Variants in TRPM2 observed in about 807,000 individuals in gnomAD.
The protein encoded by TRPM2 is transient receptor potential cation channel subfamily M member 2.
TRPM2 carries 161 observed loss-of-function variants against 174.0 expected under a neutral mutation model. The ratio of observed to expected loss-of-function variants is 0.93; its 90% CI spans 0.81 to 1.05. TRPM2 has a LOEUF of 1.05. TRPM2 is among the 50% of genes least tolerant of loss of function. TRPM2 has a pLI of 0.00. For missense variants in TRPM2, 2,057 were observed against 2,038.0 expected (o/e 1.01, Z -0.18); for synonymous variants, 954 against 861.3 (o/e 1.11, Z -1.88).
intron 27 of TRPM2, among the ~76,000 whole-genome samples, chr21:44,428,547 C>T (rs2050898358): frequency 7.2e-6 from 1 of 139,730 alleles, no homozygotes; most frequent in African/African-American, 2.7e-5. Flanking sequence ...AGGTGTGACT[C>T]CTCCCCTTAG....
rs2051297752 is a variant in TRPM2, at chr21:44,437,067, G to A, written c.4067G>A (p.Arg1356Lys). ...CATGGCCGCTCTCTCCGCAGGTGGA[G>A]GCGGAACGAGGATGGAGCCATCTGC... ...HTLYPMVTRW[R>K]RNEDGAICRK... Residue 1356 changes from arginine to lysine, a missense_variant, in exon 29 of 32, where the codon AGG becomes AAG. By Grantham distance (26) the Arg-to-Lys change is conservative (BLOSUM62 2). Transcript: ENST00000397928. 1.9e-6 allele frequency: 3 copies of A among 1,550,476 alleles called. No individual in the cohort carries two copies. The highest frequency in any genetic ancestry group is 2.6e-6 in the Non-Finnish European group (3 of 1,146,788).
chr21:44,379,427 G>C (rs1399881623), intron 8 of TRPM2, among the ~76,000 whole-genome samples: 1 of 152,230 alleles, frequency 6.6e-6, no homozygotes, highest in Non-Finnish European at 1.5e-5. Flanking sequence ...CTCACCCGCA[G>C]CACACCAGGG....
In TRPM2 at chr21:44,442,342, C is replaced by T. The variant is rs2146439193; in HGVS notation, c.*525C>T. On this transcript the variant is annotated 3_prime_UTR_variant, in exon 32 of 32. Transcript: ENST00000397928. ...CTGGGCTAGGGGCACTGTCTGAACT[C>T]CTGACTGTCAGGATAAACTCCGTGG... The T allele has an allele frequency of 6.6e-6, 1 of 152,500 alleles. No homozygotes were observed. The highest frequency in any genetic ancestry group is 2.4e-5 in the African/African-American group (1 of 41,600). 9.4% of individuals were successfully genotyped at this position (152,500 alleles called of 1,614,324 possible).
chr21:44,382,904 A>G (rs745708781), intron 9 of TRPM2, 84 bp downstream of exon 9: 8 of 1,340,928 alleles, frequency 6.0e-6, no homozygotes, highest in South Asian at 3.8e-5. Flanking sequence ...TTGAAGTGCC[A>G]TGATTCTGGG....
intron 19 of TRPM2, among the ~76,000 whole-genome samples, chr21:44,407,912 TTAAA>T (rs1398823759): frequency 1.3e-5 from 2 of 151,638 alleles, no homozygotes; most frequent in African/African-American, 2.4e-5. Flanking sequence ...TTAAAAAATT[TTAAA>T]TTAATTAATA....
rs576257582 is a variant in TRPM2, at chr21:44,379,150, A to C, written c.1168A>C (p.Met390Leu). ...QQKLSVFFQEMFETFTESRIV... is the reference protein window; with the variant it reads ...QQKLSVFFQELFETFTESRIV... ...GAAACTGAGCGTGTTCTTCCAGGAG[A>C]TGTTTGAGACCTTCACGGAAAGCAG... The change falls in exon 8 of 32, where the codon ATG (methionine) becomes CTG (leucine). Residue 390 changes from methionine (M) to leucine (L), a missense_variant. By Grantham distance (15) the Met-to-Leu change is conservative. Coordinates refer to ENST00000397928, the MANE Select transcript of TRPM2 (RefSeq NM_003307.4). 6.2e-7 allele frequency: 1 copy of C among 1,613,514 alleles called. No homozygotes were observed. The highest frequency in any genetic ancestry group is 1.1e-5 in the South Asian group (1 of 91,080).
chr21:44,404,235 GCACA>G (rs562608642), intron 16 of TRPM2, among the ~76,000 whole-genome samples: 7 of 150,740 alleles, frequency 4.6e-5, no homozygotes, highest in Non-Finnish European at 8.9e-5. Context: ...ACATACACAT[GCACA>G]CACACAAACA....
At chr21:44,429,824 G>T (rs1390278090) in intron 27 of TRPM2, among the ~76,000 whole-genome samples, 1 of 152,028 alleles carries the variant, frequency 6.6e-6, no homozygotes, top group Non-Finnish European at 1.5e-5. Flanking sequence ...ATTCTTCAGT[G>T]TAATTTAGAA....
At chr21:44,355,114 C>A (rs2048018033) in intron 2 of TRPM2, among the ~76,000 whole-genome samples, 1 of 152,198 alleles carries the variant, frequency 6.6e-6, no homozygotes, top group South Asian at 2.1e-4. Flanking sequence ...ACTGGAAGGG[C>A]CTTAGGGAGA....
intron 20 of TRPM2, chr21:44,416,847 G>C (rs2050303076): frequency 5.0e-6 from 1 of 198,230 alleles, no homozygotes; most frequent in Non-Finnish European, 1.0e-5. Flanking sequence ...CGTGGGCATG[G>C]CTCTGCTCTC....
Position 44,379,208 on chromosome 21 carries a change from C to G in TRPM2, c.1215+11C>G. 6.2e-7 allele frequency: 1 copy of G among 1,610,108 alleles called. No individual in the cohort carries two copies. Among genetic ancestry groups the G allele is most frequent in the Non-Finnish European group, 8.5e-7 (1 of 1,179,236 alleles). ...GAGTGGACCAAAAAGGTGAGGCTGA[C>G]GGGCACGACGGTCACCAGCATGTGG... is the stretch of plus-strand genomic sequence containing the variant. On this transcript the variant is annotated intron_variant, in intron 8 of 31. Coordinates refer to ENST00000397928, the MANE Select transcript of TRPM2 (RefSeq NM_003307.4).
chr21:44,376,086 G>T lies in TRPM2; in HGVS notation c.952+73G>T. 2 of 1,543,672 alleles carry T rather than the reference G, an allele frequency of 1.3e-6. No homozygotes were observed. The highest frequency in any genetic ancestry group is 1.8e-6 in the Non-Finnish European group (2 of 1,136,308). On this transcript the variant is annotated intron_variant, in intron 6 of 31. Transcript: ENST00000397928. This position sits in a 1 kb window ranked among gnomAD's most constrained non-coding sequence, Gnocchi z 4.2. ...CTGGTCAGAGTGTCAGGTACAGCTG[G>T]TCACGACCAGGACGTTCAACAGGCC...
intron 16 of TRPM2, among the ~76,000 whole-genome samples, chr21:44,404,824 GTAGTGATGATAGTGACAGTGA>G (rs1294711934): frequency 7.2e-6 from 1 of 138,652 alleles, no homozygotes; most frequent in African/African-American, 2.8e-5. Flanking sequence ...GACAGCAAGG[GTAGTGATGATAGTGACAGTGA>G]TAGTGATGAT....
chr21:44,426,384 C>T (rs912000386), intron 25 of TRPM2, among the ~76,000 whole-genome samples: 2 of 152,168 alleles, frequency 1.3e-5, no homozygotes, highest in African/African-American at 4.8e-5. Context: ...AGCTTAGCCC[C>T]CTGCCCCACT....
intron 2 of TRPM2, among the ~76,000 whole-genome samples, chr21:44,357,735 C>A (rs2048099399): frequency 6.6e-6 from 1 of 152,230 alleles, no homozygotes; most frequent in South Asian, 2.1e-4. Flanking sequence ...CCAGGCCCGG[C>A]AAAGCACTCC....
chr21:44,361,881 G>A (rs150449408), intron 2 of TRPM2, among the ~76,000 whole-genome samples: 2,121 of 152,166 alleles, frequency 0.014, 45 homozygotes, highest in African/African-American at 0.036. Context: ...GTTAATTTTT[G>A]TATTTTTGGT....
rs758167020 is a variant in TRPM2 at position 44,406,057 on chromosome 21, G to A, written c.2790+20G>A. On this transcript the variant is annotated intron_variant, in intron 18 of 31. Coordinates refer to ENST00000397928, the MANE Select transcript of TRPM2 (RefSeq NM_003307.4). ...CGGATGGTAAGGGGGCGGGGGCACC[G>A]GCTCCATCGCGGCCTGCAGCCCAGG... The A allele has an allele frequency of 4.2e-5, 67 of 1,601,518 alleles. No homozygotes were observed. Among genetic ancestry groups the A allele is most frequent in the South Asian group, 5.5e-5 (5 of 91,018 alleles).
chr21:44,403,594 GCA>G (rs774999067), intron 16 of TRPM2, among the ~76,000 whole-genome samples: 4 of 149,538 alleles, frequency 2.7e-5, no homozygotes, highest in Non-Finnish European at 4.4e-5. Context: ...GCACACACAT[GCA>G]CACAGTACAC....
intron 2 of TRPM2, among the ~76,000 whole-genome samples, chr21:44,361,502 A>C (rs1336749587): frequency 6.6e-6 from 1 of 152,232 alleles, no homozygotes; most frequent in African/African-American, 2.4e-5. Flanking sequence ...GGTAGACGTC[A>C]AATAATTGGG....
Sources: allele counts gnomAD v4.1 joint callset (sites outside exome capture counted in the v4.1 genomes callset), GRCh38; gene constraint gnomAD v4.1.1; non-coding constraint Gnocchi (gnomAD v3.1); transcripts MANE v1.5; gene names NCBI Gene and HGNC (gene_info 2026-07-23, HGNC 2026-07-21).